Variants in XCR1 observed in about 807,000 individuals in gnomAD.
The protein encoded by XCR1 is X-C motif chemokine receptor 1.
For missense variants in XCR1, 356 were observed against 424.2 expected, an observed-to-expected ratio of 0.84 and a Z score of 1.41; for synonymous variants, 187 against 188.5, an observed-to-expected ratio of 0.99 and a Z score of 0.06.
At chr3:46,044,113 A>G (rs1184807936) in intron 5 of XCR1, among the ~76,000 whole-genome samples, 1 of 152,170 alleles carries the variant, frequency 6.6e-6, no homozygotes, top group Non-Finnish European at 1.5e-5. Context: ...CCCCTGCCTC[A>G]GCCTCCCAGG....
intron 1 of XCR1, among the ~76,000 whole-genome samples, chr3:46,076,944 C>G (rs761422942): frequency 1.3e-5 from 2 of 152,168 alleles, no homozygotes; most frequent in Non-Finnish European, 2.9e-5. Context: ...AGAAAAGAAA[C>G]TTTTTATGTG....
At chr3:46,082,071 A>T (rs568988881) in intron 1 of XCR1, among the ~76,000 whole-genome samples, 1 of 152,336 alleles carries the variant, frequency 6.6e-6, no homozygotes, top group Non-Finnish European at 1.5e-5. Flanking sequence ...GCATTGATGC[A>T]TAGATTCATA....
At chr3:46,027,333 G>A (rs1708315166) in intron 1 of XCR1, 84 bp downstream of exon 1, 1 of 152,252 alleles carries the variant, frequency 6.6e-6, no homozygotes, top group Admixed American at 6.5e-5. Flanking sequence ...TGGTTCTGAT[G>A]TGCAGCAAAG....
chr3:46,063,423 C>T (rs1024895553), intron 4 of XCR1, among the ~76,000 whole-genome samples: 1 of 152,138 alleles, frequency 6.6e-6, no homozygotes, highest in African/African-American at 2.4e-5. Flanking sequence ...CCAGCAGAGA[C>T]GAAACCAGAA....
At chr3:46,022,063 G>T in intron 1 of XCR1, 85 bp from the exon 2 acceptor site, 1 of 1,204,212 alleles carries the variant, frequency 8.3e-7, no homozygotes, top group Non-Finnish European at 1.2e-6. Flanking sequence ...CTTTGGAAAG[G>T]CCAAAGGGAG....
chr3:46,022,085 A>G (rs1708168015), intron 1 of XCR1, 107 bp from the exon 2 acceptor site: 1 of 1,013,168 alleles, frequency 9.9e-7, no homozygotes, highest in Non-Finnish European at 1.4e-6. Context: ...GGATTGCTTG[A>G]CCCCAGGAGT....
chr3:46,023,303 T>C, intron 1 of XCR1: 1 of 863,062 alleles, frequency 1.2e-6, no homozygotes. Flanking sequence ...TCTATGGAAG[T>C]AATGGAAGGA....
At chr3:46,026,439 A>G (rs1307371166) in intron 1 of XCR1, among the ~76,000 whole-genome samples, 1 of 152,204 alleles carries the variant, frequency 6.6e-6, no homozygotes, top group African/African-American at 2.4e-5. Context: ...AGACAGCTCT[A>G]AATTATACAA....
At chr3:46,065,669 A>C (rs1373103649) in intron 4 of XCR1, among the ~76,000 whole-genome samples, 2 of 152,176 alleles carry the variant, frequency 1.3e-5, no homozygotes, top group African/African-American at 4.8e-5. Context: ...GGCTACACCA[A>C]GCTCCACTGC....
intron 3 of XCR1, among the ~76,000 whole-genome samples, chr3:46,070,224 G>A (rs906242290): frequency 6.6e-6 from 1 of 152,070 alleles, no homozygotes; most frequent in African/African-American, 2.4e-5. Context: ...CTTGGAGAAT[G>A]TTCCATATGC....
At chr3:46,035,532 C>A (rs1697413592) in intron 5 of XCR1, among the ~76,000 whole-genome samples, 1 of 152,158 alleles carries the variant, frequency 6.6e-6, no homozygotes, top group Admixed American at 6.5e-5. Context: ...CTGCCATGGG[C>A]CAGGAGTCTC....
intron 2 of XCR1, among the ~76,000 whole-genome samples, chr3:46,075,308 CAAAAAAAAAAAA>C (rs56787185): frequency 1.6e-5 from 1 of 61,674 alleles, no homozygotes; most frequent in African/African-American, 6.9e-5. Flanking sequence ...GCTCATAGAC[CAAAAAAAAAAAA>C]AAAAAAAAAA....
At chr3:46,024,457 T>G (rs1390238245) in intron 1 of XCR1, among the ~76,000 whole-genome samples, 3 of 152,242 alleles carry the variant, frequency 2.0e-5, no homozygotes, top group Non-Finnish European at 4.4e-5. Flanking sequence ...TGGAATAATT[T>G]TTTTCAAGCA....
chr3:46,057,606 A>T (rs935564307), intron 4 of XCR1, among the ~76,000 whole-genome samples: 3 of 152,178 alleles, frequency 2.0e-5, no homozygotes, highest in Admixed American at 2.0e-4. Flanking sequence ...TGTGATTAAC[A>T]TCTACAATCG....
intron 5 of XCR1, among the ~76,000 whole-genome samples, chr3:46,034,937 C>A (rs540975512): frequency 1.3e-5 from 2 of 152,160 alleles, no homozygotes; most frequent in African/African-American, 4.8e-5. Context: ...ATGATTGCCT[C>A]CTTGCCCCTC....
At chr3:46,076,934 A>G (rs1698270805) in intron 1 of XCR1, among the ~76,000 whole-genome samples, 1 of 152,168 alleles carries the variant, frequency 6.6e-6, no homozygotes. Context: ...GCACTGAGAG[A>G]GAAAAGAAAC....
At chr3:46,054,852 T>C (rs1212276860) in intron 4 of XCR1, among the ~76,000 whole-genome samples, 1 of 152,182 alleles carries the variant, frequency 6.6e-6, no homozygotes, top group Non-Finnish European at 1.5e-5. Context: ...TGGTTTGTGC[T>C]GGGAAGCATT....
At chr3:46,030,857 C>T (rs527499829), upstream of XCR1, among the ~76,000 whole-genome samples, 106 of 152,344 alleles carry the variant, frequency 7.0e-4, no homozygotes, top group Middle Eastern at 0.014. Context: ...GAGCCTCTGC[C>T]GCAGCCTCAA....
Position 46,017,536 on chromosome 3 carries a change from T to C in XCR1, c.*3410A>G. The C allele has an allele frequency of 6.6e-6, 1 of 152,120 alleles. No individual in the cohort carries two copies. The highest frequency in any genetic ancestry group is 1.9e-4 in the East Asian group (1 of 5,194). The allele number at this position is 152,120 out of a possible 1,614,324, so 9.4% of individuals were successfully genotyped here. On this transcript the variant is annotated 3_prime_UTR_variant, in exon 2 of 2. Coordinates refer to ENST00000309285, the MANE Select transcript of XCR1 (RefSeq NM_001024644.2). The stretch of plus-strand genomic sequence containing the variant: ...AGGTAGAAAAAAGGCCAAAAGATGG[T>C]CTCCTGTTAACTCACTCAACCAACC...
Sources: gnomAD v4.1 joint callset for allele counts (sites outside exome capture counted in the v4.1 genomes callset) on GRCh38, gnomAD v4.1.1 for gene constraint, MANE v1.5 for transcripts, NCBI Gene and HGNC (gene_info 2026-07-23, HGNC 2026-07-21) for gene names.